The following ETV6 variants were observed in gnomAD, a reference collection of about 807,000 sequenced individuals.
The protein encoded by ETV6 is transcription factor ETV6.
In ETV6, 16 loss-of-function variants were observed where a neutral mutation model predicts 51.1. That is an observed-to-expected ratio of 0.31 (90% CI 0.21 to 0.48). The LOEUF is 0.48. Among genes scored for constraint, ETV6 ranks in the 20% least tolerant of loss-of-function variants. The pLI is 0.99. For missense variants in ETV6, 458 were observed against 594.8 expected (o/e 0.77, Z 2.39); for synonymous variants, 240 against 224.1 (o/e 1.07, Z -0.64).
intron 2 of ETV6, among the ~76,000 whole-genome samples, chr12:11,769,420 C>T (rs1057288974): frequency 2.6e-5 from 4 of 151,500 alleles, no homozygotes; most frequent in African/African-American, 7.3e-5. Flanking sequence ...ACACAGATAA[C>T]ATCCAGGAGA....
intron 3 of ETV6, among the ~76,000 whole-genome samples, chr12:11,852,152 G>T (rs1051690148): frequency 2.6e-5 from 4 of 152,192 alleles, no homozygotes; most frequent in African/African-American, 4.8e-5. Context: ...GCACCCACCT[G>T]CATTTTCAGC....
chr12:11,836,591 G>A (rs1946319730), intron 2 of ETV6, among the ~76,000 whole-genome samples: 1 of 152,156 alleles, frequency 6.6e-6, no homozygotes, highest in Non-Finnish European at 1.5e-5. Context: ...CGGCAGAGCT[G>A]TTTGGAGTGT....
At chr12:11,841,939 G>A (rs1010438614) in intron 3 of ETV6, among the ~76,000 whole-genome samples, 8 of 151,948 alleles carry the variant, frequency 5.3e-5, no homozygotes, top group Middle Eastern at 3.4e-3. Context: ...AAAATTAGCC[G>A]GGCGTAGTGG....
At chr12:11,690,509 T>G (rs1864733956) in intron 1 of ETV6, among the ~76,000 whole-genome samples, 1 of 152,046 alleles carries the variant, frequency 6.6e-6, no homozygotes, top group Admixed American at 6.6e-5. Flanking sequence ...GAGAATCACT[T>G]GAGCTCAGGA....
intron 4 of ETV6, among the ~76,000 whole-genome samples, chr12:11,861,862 C>G (rs1946723493): frequency 6.6e-6 from 1 of 152,198 alleles, no homozygotes; most frequent in South Asian, 2.1e-4. Context: ...CCAAACAGAC[C>G]TAATTGACTT....
intron 1 of ETV6, among the ~76,000 whole-genome samples, chr12:11,748,390 A>T (rs764142210): frequency 6.6e-6 from 1 of 152,228 alleles, no homozygotes; most frequent in Non-Finnish European, 1.5e-5. Context: ...TTACCTGCAA[A>T]CCATCTTTTT....
At chr12:11,868,873 C>T (rs982831086) in intron 4 of ETV6, among the ~76,000 whole-genome samples, 1 of 152,048 alleles carries the variant, frequency 6.6e-6, no homozygotes. Context: ...CTACAGGCCA[C>T]AGGTAGGTCA....
At position 11,893,835 on chromosome 12, in the gene ETV6, T is replaced by TACACAA. The variant is rs1947344429; in HGVS notation, c.*2790_*2791insCACAAA. On this transcript the variant is annotated 3_prime_UTR_variant, in exon 8 of 8. Transcript: ENST00000396373. ...ATATATATATATATATATATATATA[T>TACACAA]ATATATACACACACACACACATACA... 2.0e-5 allele frequency: 1 copy of TACACAA among 48,940 alleles called. No individual in the cohort carries two copies. The highest frequency in any genetic ancestry group is 4.2e-5 in the Non-Finnish European group (1 of 23,864). The allele number at this position is 48,940 out of a possible 1,614,324, so 3.0% of individuals were successfully genotyped here.
intron 2 of ETV6, among the ~76,000 whole-genome samples, chr12:11,832,027 G>T (rs1946251777): frequency 6.6e-6 from 1 of 152,186 alleles, no homozygotes; most frequent in South Asian, 2.1e-4. Context: ...TTAAAAAGAT[G>T]TATATAATGG....
intron 3 of ETV6, among the ~76,000 whole-genome samples, chr12:11,842,675 T>G (rs1946408203): frequency 6.6e-6 from 1 of 152,110 alleles, no homozygotes; most frequent in Non-Finnish European, 1.5e-5. Flanking sequence ...CACTGGAAAG[T>G]TTTGATCAGG....
At chr12:11,768,150 A>G (rs968179039) in intron 2 of ETV6, among the ~76,000 whole-genome samples, 1 of 151,108 alleles carries the variant, frequency 6.6e-6, no homozygotes, top group African/African-American at 2.4e-5. Context: ...ATGTGCTGAT[A>G]TGTAGTTTTA....
At chr12:11,837,372 C>CT (rs149897458) in intron 2 of ETV6, among the ~76,000 whole-genome samples, 30,949 of 152,014 alleles carry the variant, frequency 0.2, 3,406 homozygotes, top group East Asian at 0.44. Context: ...CCCAGTAGTT[C>CT]TTTTTTTGGT....
At chr12:11,821,051 C>T (rs1946072651) in intron 2 of ETV6, among the ~76,000 whole-genome samples, 1 of 151,988 alleles carries the variant, frequency 6.6e-6, no homozygotes, top group Non-Finnish European at 1.5e-5. Flanking sequence ...TACCAATGGA[C>T]CAGAAGGGGG....
intron 2 of ETV6, among the ~76,000 whole-genome samples, chr12:11,811,067 A>G (rs1945905476): frequency 6.6e-6 from 1 of 152,222 alleles, no homozygotes. Flanking sequence ...GAGTGGTGGT[A>G]CAGCAAATAA....
chr12:11,843,343 T>G (rs1408635444), intron 3 of ETV6, among the ~76,000 whole-genome samples: 1 of 152,234 alleles, frequency 6.6e-6, no homozygotes, highest in Non-Finnish European at 1.5e-5. Flanking sequence ...TGCCACTGTT[T>G]CTTCTGACAT....
chr12:11,893,839 T>TACAC lies in ETV6; in HGVS notation c.*2794_*2795insCACA, dbSNP rs1268085289. On this transcript the variant is annotated 3_prime_UTR_variant, in exon 8 of 8. Transcript: ENST00000396373. ...ATATATATATATATATATATATATA[T>TACAC]ATACACACACACACACATACACAAA... 1 of 51,320 alleles carries TACAC rather than the reference T, an allele frequency of 1.9e-5. No homozygotes were observed. Among genetic ancestry groups the TACAC allele is most frequent in the African/African-American group, 8.4e-5 (1 of 11,942 alleles). 3.2% of individuals were successfully genotyped at this position (51,320 alleles called of 1,614,324 possible).
At chr12:11,664,810 G>A (rs952756554) in intron 1 of ETV6, among the ~76,000 whole-genome samples, 7 of 152,064 alleles carry the variant, frequency 4.6e-5, no homozygotes, top group Non-Finnish European at 4.4e-5. Flanking sequence ...CCTTTCAGTT[G>A]TCTCCTCTCT....
chr12:11,763,971 G>A (rs773687334), intron 2 of ETV6, among the ~76,000 whole-genome samples: 1 of 152,244 alleles, frequency 6.6e-6, no homozygotes, highest in Non-Finnish European at 1.5e-5. Context: ...TCACCCAGTT[G>A]CAATGATTTA....
At chr12:11,758,468 T>C (rs1227442192) in intron 2 of ETV6, among the ~76,000 whole-genome samples, 3 of 152,202 alleles carry the variant, frequency 2.0e-5, no homozygotes, top group Admixed American at 6.5e-5. Flanking sequence ...CTGTGTATTA[T>C]TGAGACTAAT....
Sources: allele counts gnomAD v4.1 joint callset (sites outside exome capture counted in the v4.1 genomes callset), GRCh38; gene constraint gnomAD v4.1.1; transcripts MANE v1.5; gene names NCBI Gene and HGNC (gene_info 2026-07-23, HGNC 2026-07-21).